The following THADA variants were observed in gnomAD, a reference collection of about 807,000 sequenced individuals.
The protein encoded by THADA is THADA armadillo repeat containing, also known as tRNA (32-2'-O)-methyltransferase regulator THADA.
Under a neutral mutation model 219.8 loss-of-function variants are expected in THADA, and 213 were observed. That is an observed-to-expected ratio of 0.97 (90% CI 0.87 to 1.09). THADA has a LOEUF of 1.09. Among genes scored for constraint, THADA ranks in the 50% least tolerant of loss-of-function variants. The pLI is 0.00. For synonymous variants in THADA, 1,018 were observed against 828.9 expected (o/e 1.23, Z -3.92); for missense variants, 2,956 against 2,311.3 (o/e 1.28, Z -5.72).
At chr2:43,245,325 A>C (rs922506016) in intron 36 of THADA, among the ~76,000 whole-genome samples, 2 of 150,646 alleles carry the variant, frequency 1.3e-5, no homozygotes, top group Non-Finnish European at 1.5e-5. Flanking sequence ...GGCACATACC[A>C]CCACGCCTGG....
chr2:43,534,740 C>T (rs547017928), intron 21 of THADA, among the ~76,000 whole-genome samples: 37 of 152,258 alleles, frequency 2.4e-4, no homozygotes, highest in Admixed American at 5.2e-4. Context: ...AGGTTGATTA[C>T]GTACCTTGTG....
chr2:43,368,460 G>C (rs1670422020), intron 29 of THADA, among the ~76,000 whole-genome samples: 1 of 152,076 alleles, frequency 6.6e-6, no homozygotes, highest in Non-Finnish European at 1.5e-5. Flanking sequence ...GCAGTGGTGT[G>C]ATCATAGCTC....
At chr2:43,368,712 T>TTAA (rs1380947807) in intron 29 of THADA, among the ~76,000 whole-genome samples, 1 of 152,118 alleles carries the variant, frequency 6.6e-6, no homozygotes, top group Non-Finnish European at 1.5e-5. Context: ...ACAGCACTTT[T>TTAA]TAAATCTGTT....
intron 22 of THADA, among the ~76,000 whole-genome samples, chr2:43,523,774 T>A (rs759822818): frequency 3.3e-5 from 5 of 152,206 alleles, no homozygotes; most frequent in Admixed American, 6.5e-5. Flanking sequence ...TAAATATCTG[T>A]AGATTAAGCT....
chr2:43,416,954 A>T (rs1677058643), intron 28 of THADA, among the ~76,000 whole-genome samples: 1 of 152,124 alleles, frequency 6.6e-6, no homozygotes, highest in South Asian at 2.1e-4. Context: ...CTTTTTTTCC[A>T]AATCAGTTTA....
At chr2:43,465,074 A>G (rs1573783387) in intron 26 of THADA, among the ~76,000 whole-genome samples, 1 of 152,108 alleles carries the variant, frequency 6.6e-6, no homozygotes, top group Non-Finnish European at 1.5e-5. Context: ...GCTTCTCACT[A>G]TCATGAGGAA....
chr2:43,452,395 A>G (rs1682456938), intron 26 of THADA, among the ~76,000 whole-genome samples: 1 of 152,190 alleles, frequency 6.6e-6, no homozygotes, highest in African/African-American at 2.4e-5. Context: ...CTGATACCCA[A>G]GGAAATGAAG....
Position 43,292,870 on chromosome 2 carries a change from C to T in THADA, c.4782G>A (p.Leu1594=), listed in dbSNP as rs376808906. ...LCNMGEKFLL[L]AMKENHPECF... The stretch of plus-strand genomic sequence containing the variant: ...ATTCTGGGTGATTTTCCTTCATGGC[C>T]AACAATAAGAACTTCTCTCCCATGT... The change falls in exon 32 of 38, where the codon TTG becomes TTA. Residue 1594 remains leucine (L), a synonymous_variant. Transcript: ENST00000405975. 211 of 1,613,586 alleles carry T rather than the reference C, an allele frequency of 1.3e-4. No individual in the cohort carries two copies. The highest frequency in any genetic ancestry group is 1.7e-4 in the Non-Finnish European group (200 of 1,179,876).
chr2:43,473,753 C>T (rs989075593), intron 26 of THADA, among the ~76,000 whole-genome samples: 3 of 151,932 alleles, frequency 2.0e-5, no homozygotes, highest in Non-Finnish European at 2.9e-5. Context: ...GGATTACAGG[C>T]GCCTGCCACC....
intron 20 of THADA, among the ~76,000 whole-genome samples, chr2:43,543,989 GT>G (rs1178677747): frequency 6.6e-6 from 1 of 152,084 alleles, no homozygotes; most frequent in Non-Finnish European, 1.5e-5. Flanking sequence ...TTCTTCTAGG[GT>G]TTTTATGGTT....
intron 24 of THADA, among the ~76,000 whole-genome samples, chr2:43,504,022 A>G (rs1454750085): frequency 6.6e-6 from 1 of 152,156 alleles, no homozygotes; most frequent in Non-Finnish European, 1.5e-5. Context: ...TTAGATTTTC[A>G]GATTAGAGAT....
chr2:43,521,207 A>G (rs907257141), intron 22 of THADA, among the ~76,000 whole-genome samples: 1 of 151,526 alleles, frequency 6.6e-6, no homozygotes, highest in African/African-American at 2.4e-5. Context: ...AGGGAAGGAA[A>G]GAGGGCAGGA....
chr2:43,527,947 C>A lies in THADA; in HGVS notation c.3306G>T (p.Gln1102His). 1.9e-6 allele frequency: 3 copies of A among 1,613,522 alleles called. No individual in the cohort carries two copies. The highest frequency in any genetic ancestry group is 1.3e-5 in the African/African-American group (1 of 74,952). ...ATTCAAATGCTCCTCTGTGCCTGGACTGCAAAAGGTGTTGTTTAAAGTAAT... is the reference window on the plus strand; with the variant it reads ...ATTCAAATGCTCCTCTGTGCCTGGAATGCAAAAGGTGTTGTTTAAAGTAAT... ...IGDYFKQHLLQSRHRGAFELA... is the reference protein window; with the variant it reads ...IGDYFKQHLLHSRHRGAFELA... Residue 1102 changes from glutamine (Q) to histidine (H), a missense_variant, in exon 22 of 38, where the codon CAG (glutamine) becomes CAT (histidine). Gln to His is a conservative substitution (Grantham distance 24). Coordinates refer to ENST00000405975, the MANE Select transcript of THADA (RefSeq NM_022065.5).
chr2:43,437,850 A>G (rs1239286187), intron 26 of THADA, among the ~76,000 whole-genome samples: 1 of 152,238 alleles, frequency 6.6e-6, no homozygotes, highest in Non-Finnish European at 1.5e-5. Flanking sequence ...TTGTATATAT[A>G]TATCTAAGAA....
intron 29 of THADA, among the ~76,000 whole-genome samples, chr2:43,375,039 G>A (rs1296170264): frequency 6.6e-6 from 1 of 151,022 alleles, no homozygotes; most frequent in Non-Finnish European, 1.5e-5. Context: ...AATGGTCGTG[G>A]ACCAAAAAGA....
chr2:43,569,917 C>T (rs1220761271), intron 14 of THADA, among the ~76,000 whole-genome samples: 1 of 152,152 alleles, frequency 6.6e-6, no homozygotes, highest in Non-Finnish European at 1.5e-5. Flanking sequence ...GCCCTAAAAT[C>T]CAGCCCTACT....
At chr2:43,359,637 G>A (rs1347661691) in intron 29 of THADA, among the ~76,000 whole-genome samples, 1 of 152,186 alleles carries the variant, frequency 6.6e-6, no homozygotes. Flanking sequence ...CGAAGATTGC[G>A]CCACTGCACT....
intron 36 of THADA, among the ~76,000 whole-genome samples, chr2:43,250,962 C>G (rs957333827): frequency 2.3e-4 from 35 of 152,102 alleles, no homozygotes; most frequent in African/African-American, 7.2e-4. Context: ...GGTGGACAGA[C>G]GAAGGTGAAC....
At chr2:43,587,913 A>T (rs1007582427) in intron 4 of THADA, among the ~76,000 whole-genome samples, 1 of 152,186 alleles carries the variant, frequency 6.6e-6, no homozygotes, top group Non-Finnish European at 1.5e-5. Context: ...TATACATCAA[A>T]ACTGATTGGC....
Sources: allele counts gnomAD v4.1 joint callset (sites outside exome capture counted in the v4.1 genomes callset), GRCh38; gene constraint gnomAD v4.1.1; transcripts MANE v1.5; gene names NCBI Gene and HGNC (gene_info 2026-07-23, HGNC 2026-07-21).